TUSC3: variants seen among roughly 807,000 people sequenced by gnomAD.
The protein encoded by TUSC3 is tumor suppressor candidate 3, also known as dolichyl-diphosphooligosaccharide--protein glycosyltransferase subunit TUSC3.
TUSC3 carries 45 observed loss-of-function variants against 44.8 expected under a neutral mutation model. The ratio of observed to expected loss-of-function variants is 1.00; its 90% CI spans 0.79 to 1.29. The LOEUF (loss-of-function observed/expected upper bound fraction) is 1.29. Among genes scored for constraint, TUSC3 ranks in the 50% most tolerant of loss-of-function variants. The pLI, the probability that TUSC3 is intolerant of heterozygous loss-of-function variation, is 0.00. For missense variants in TUSC3, 519 were observed against 437.9 expected, an observed-to-expected ratio of 1.19 and a Z score of -1.65; for synonymous variants, 212 against 152.9, an observed-to-expected ratio of 1.39 and a Z score of -2.85.
the TUSC3 span, among the ~76,000 whole-genome samples, chr8:15,817,277 T>C: frequency 6.6e-6 from 1 of 151,886 alleles, no homozygotes; most frequent in Non-Finnish European, 1.5e-5. Context: ...GTGGTGGCTG[T>C]CCCACTTACT....
the TUSC3 span, among the ~76,000 whole-genome samples, chr8:15,813,530 G>T: frequency 6.6e-6 from 1 of 152,222 alleles, no homozygotes; most frequent in East Asian, 1.9e-4. Context: ...CTTACAACTT[G>T]ATGACAGCAA....
intron 1 of TUSC3, among the ~76,000 whole-genome samples, chr8:15,573,212 A>C (rs865844800): frequency 0.042 from 5,543 of 130,744 alleles, 153 homozygotes; most frequent in African/African-American, 0.061. Flanking sequence ...CTATATATAT[A>C]TATATATATA....
Position 15,472,420 on chromosome 8 carries a change from C to G in TUSC3, n.92-10966C>G, listed in dbSNP as rs187059610. 4.9e-3 allele frequency among the ~76,000 whole-genome samples: 748 copies of G among 152,240 alleles called. 7 individuals are homozygous for G. Among genetic ancestry groups the G allele is most frequent in the African/African-American group, 0.017 (699 of 41,540 alleles). ...TATAATTAGATAATTTATGCCATTG[C>G]TATAAGTAAATCATTTTGCAGGTGA... On this transcript the variant is annotated intron_variant and non_coding_transcript_variant, in intron 1 of 5. Transcript: ENST00000503191.
the TUSC3 span, among the ~76,000 whole-genome samples, chr8:15,789,834 G>A: frequency 0.023 from 3,477 of 152,174 alleles, 134 homozygotes; most frequent in African/African-American, 0.078. Flanking sequence ...AATGAAAAAC[G>A]GTACGGAAAG....
intron 2 of TUSC3, among the ~76,000 whole-genome samples, chr8:15,498,475 T>G (rs752527444): frequency 5.9e-5 from 9 of 152,178 alleles, no homozygotes; most frequent in Non-Finnish European, 1.2e-4. Flanking sequence ...TTAAGAGCCA[T>G]GAAAATGACC....
chr8:15,675,195 C>G (rs1019891668), intron 6 of TUSC3, among the ~76,000 whole-genome samples: 2 of 152,068 alleles, frequency 1.3e-5, no homozygotes, highest in African/African-American at 4.8e-5. Context: ...AAAGAAGGGC[C>G]TGATGCAAAG....
chr8:15,526,872 T>A (rs1006019364), intron 2 of TUSC3, among the ~76,000 whole-genome samples: 4 of 152,058 alleles, frequency 2.6e-5, no homozygotes, highest in Non-Finnish European at 4.4e-5. Context: ...CCTGCAAGGA[T>A]TAGAAGAAAA....
At chr8:15,443,476 A>G (rs1265882920) in intron 1 of TUSC3, among the ~76,000 whole-genome samples, 2 of 151,930 alleles carry the variant, frequency 1.3e-5, no homozygotes, top group East Asian at 3.9e-4. Flanking sequence ...TAGGATTACA[A>G]GAGTGGTGAA....
chr8:15,600,918 A>G (rs184252736), intron 1 of TUSC3, among the ~76,000 whole-genome samples: 194 of 151,838 alleles, frequency 1.3e-3, no homozygotes, highest in Non-Finnish European at 1.8e-3. Flanking sequence ...ATAATTGTAC[A>G]TATGGAGAGC....
At chr8:15,820,899 T>G in the TUSC3 span, among the ~76,000 whole-genome samples, 3 of 152,190 alleles carry the variant, frequency 2.0e-5, no homozygotes, top group African/African-American at 7.2e-5. Flanking sequence ...TTGCAATGTA[T>G]GTAGATGTAA....
chr8:15,600,257 T>C (rs775587233), intron 1 of TUSC3, among the ~76,000 whole-genome samples: 3 of 151,760 alleles, frequency 2.0e-5, no homozygotes, highest in South Asian at 4.1e-4. Flanking sequence ...GGGAGAATTA[T>C]GGCCTTTGTA....
chr8:15,528,755 A>C (rs912500312), intron 2 of TUSC3, among the ~76,000 whole-genome samples: 5 of 152,184 alleles, frequency 3.3e-5, no homozygotes, highest in Non-Finnish European at 5.9e-5. Flanking sequence ...GATTGCCTGA[A>C]TTAAATAGCT....
At chr8:15,544,201 G>A (rs967448347) in intron 1 of TUSC3, among the ~76,000 whole-genome samples, 2 of 151,988 alleles carry the variant, frequency 1.3e-5, no homozygotes, top group African/African-American at 4.8e-5. Context: ...TGTATCATTT[G>A]CCTATCTAGT....
intron 1 of TUSC3, among the ~76,000 whole-genome samples, chr8:15,615,924 T>C (rs995326517): frequency 2.6e-5 from 4 of 152,206 alleles, no homozygotes; most frequent in Admixed American, 1.3e-4. Context: ...CTTGAACTTG[T>C]GGACTCAAGT....
intron 1 of TUSC3, among the ~76,000 whole-genome samples, chr8:15,462,121 T>G (rs929506276): frequency 2.0e-5 from 3 of 152,086 alleles, no homozygotes; most frequent in African/African-American, 7.2e-5. Flanking sequence ...TAATAGCTTT[T>G]AGGTTGCTAA....
intron 2 of TUSC3, among the ~76,000 whole-genome samples, chr8:15,503,321 G>C (rs73536412): frequency 0.058 from 8,891 of 152,098 alleles, 896 homozygotes; most frequent in African/African-American, 0.2. Flanking sequence ...TCTTAGACTT[G>C]TAGGCTTCAG....
intron 2 of TUSC3, among the ~76,000 whole-genome samples, chr8:15,525,384 G>A (rs573997190): frequency 6.6e-6 from 1 of 152,132 alleles, no homozygotes; most frequent in African/African-American, 2.4e-5. Context: ...AGTAGAACAA[G>A]TTTGGATTCT....
chr8:15,539,880 T>C (rs1801613825), upstream of TUSC3, among the ~76,000 whole-genome samples: 1 of 151,958 alleles, frequency 6.6e-6, no homozygotes, highest in Non-Finnish European at 1.5e-5. Context: ...TGGAGTTAGA[T>C]GGTTTCCCAG....
chr8:15,555,276 AT>A (rs35757466), intron 1 of TUSC3, among the ~76,000 whole-genome samples: 63 of 44,880 alleles, frequency 1.4e-3, no homozygotes, highest in African/African-American at 4.9e-3. Context: ...TGCCAGGCTA[AT>A]TTTTTTTTTT....
Sources: gnomAD v4.1 joint callset for allele counts (sites outside exome capture counted in the v4.1 genomes callset) on GRCh38, gnomAD v4.1.1 for gene constraint, MANE v1.5 for transcripts, NCBI Gene and HGNC (gene_info 2026-07-23, HGNC 2026-07-21) for gene names.